Variants in AKAP7 observed in about 807,000 individuals in gnomAD.
AKAP7 encodes A-kinase anchoring protein 7, also known as A kinase (PRKA) anchor protein 7.
Under a neutral mutation model 39.5 loss-of-function variants are expected in AKAP7, and 39 were observed. That is an observed-to-expected ratio of 0.99 (90% CI 0.76 to 1.29). AKAP7 has a LOEUF of 1.29. Among genes scored for constraint, AKAP7 ranks in the 50% most tolerant of loss-of-function variants. The pLI, the probability that AKAP7 is intolerant of heterozygous loss-of-function variation, is 0.00. For missense variants in AKAP7, 414 were observed against 407.7 expected, an observed-to-expected ratio of 1.02 and a Z score of -0.13; for synonymous variants, 140 against 139.1, an observed-to-expected ratio of 1.01 and a Z score of -0.05.
upstream of AKAP7, among the ~76,000 whole-genome samples, chr6:131,130,654 G>T (rs1480708780): frequency 6.6e-6 from 1 of 152,176 alleles, no homozygotes; most frequent in African/African-American, 2.4e-5. Context: ...AATCCACTGT[G>T]GCCAGGTGAA....
intron 6 of AKAP7, among the ~76,000 whole-genome samples, chr6:131,213,714 TAACA>T (rs1808889480): frequency 1.3e-5 from 2 of 152,130 alleles, no homozygotes; most frequent in South Asian, 4.1e-4. Context: ...CATGCAAGTA[TAACA>T]AACAGTTATG....
At chr6:131,155,327 T>G (rs955323212) in intron 2 of AKAP7, among the ~76,000 whole-genome samples, 2 of 152,226 alleles carry the variant, frequency 1.3e-5, no homozygotes, top group Admixed American at 1.3e-4. Flanking sequence ...GATAGTATTT[T>G]GAATTTCCTA....
chr6:131,266,374 A>G (rs976749615), intron 7 of AKAP7, among the ~76,000 whole-genome samples: 4 of 152,214 alleles, frequency 2.6e-5, no homozygotes, highest in Admixed American at 6.5e-5. Flanking sequence ...GAGCTTGAGA[A>G]GCAAATGTCA....
intron 1 of AKAP7, among the ~76,000 whole-genome samples, chr6:131,142,570 G>A (rs1801136014): frequency 6.6e-6 from 1 of 152,256 alleles, no homozygotes; most frequent in Admixed American, 6.5e-5. Flanking sequence ...AAGCCTGGGT[G>A]CTCAGGCAGA....
At chr6:131,222,296 C>G (rs908112043) in intron 7 of AKAP7, among the ~76,000 whole-genome samples, 14 of 152,134 alleles carry the variant, frequency 9.2e-5, no homozygotes, top group Non-Finnish European at 2.1e-4. Flanking sequence ...GAGGCCAAGG[C>G]GGGCGGATCA....
In AKAP7 at chr6:131,159,925, T is replaced by G. The variant is rs994450264; in HGVS notation, c.152-134T>G. Reference sequence around the variant, plus strand: ...TACTATGAGGTCCTTTACAGAAATGTTTGCAAACTCCTGCTTTAGATTTGA... The same window carrying G: ...TACTATGAGGTCCTTTACAGAAATGGTTGCAAACTCCTGCTTTAGATTTGA... On this transcript the variant is annotated intron_variant, in intron 2 of 7. Transcript: ENST00000431975. The G allele has an allele frequency of 4.7e-6, 4 of 852,822 alleles. No homozygotes were observed. In the African/African-American group the frequency reaches 7.0e-5, roughly 15 times the overall value. 52.8% of individuals were successfully genotyped at this position (852,822 alleles called of 1,614,324 possible).
rs971561877 is a variant in AKAP7, at chr6:131,199,459, A to G, written c.590-2A>G. 3.2e-6 allele frequency: 5 copies of G among 1,568,084 alleles called. No homozygotes were observed. In the Admixed American group the frequency reaches 8.7e-5, roughly 27 times the overall value. Reference sequence around the variant, plus strand: ...TTCTTTGTTTCTCTTTATTTTCTTCAGAGACTGCAAATAGGACATTTCAAG... The same window carrying G: ...TTCTTTGTTTCTCTTTATTTTCTTCGGAGACTGCAAATAGGACATTTCAAG... On this transcript the variant is annotated splice_acceptor_variant, in intron 5 of 7. Coordinates refer to ENST00000431975, the MANE Select transcript of AKAP7 (RefSeq NM_016377.4). LOFTEE classifies it high-confidence loss of function.
At position 131,135,520 on chromosome 6, in the gene AKAP7, GC is replaced by G. The variant is rs946450846; in HGVS notation, c.-242del. ...TGCGGGTGCTGCGGCTGCTGCGGCT[GC>G]CGCCGCCGCTGCTGCCGCTGCCGCG... On this transcript the variant is annotated 5_prime_UTR_variant, in exon 1 of 8. Transcript: ENST00000431975. 6.0e-6 allele frequency: 1 copy of G among 166,372 alleles called. No individual in the cohort carries two copies. The highest frequency in any genetic ancestry group is 1.2e-5 in the Non-Finnish European group (1 of 81,282). The allele number at this position is 166,372 out of a possible 1,614,324, so 10.3% of individuals were successfully genotyped here.
At chr6:131,205,673 A>C (rs1261036753) in intron 6 of AKAP7, among the ~76,000 whole-genome samples, 1 of 152,224 alleles carries the variant, frequency 6.6e-6, no homozygotes, top group African/African-American at 2.4e-5. Context: ...ATTCTGTGAA[A>C]CATAAGGCTT....
intron 5 of AKAP7, among the ~76,000 whole-genome samples, chr6:131,190,801 A>G (rs1397910336): frequency 2.0e-5 from 3 of 152,196 alleles, no homozygotes; most frequent in Non-Finnish European, 2.9e-5. Context: ...TCCATTTCTT[A>G]TATCCATCAA....
At chr6:131,154,211 A>G (rs911044354) in intron 2 of AKAP7, among the ~76,000 whole-genome samples, 24 of 150,824 alleles carry the variant, frequency 1.6e-4, no homozygotes, top group Non-Finnish European at 5.9e-5. Context: ...TCTGCCTCAG[A>G]AAAAAAAAAG....
At chr6:131,177,750 A>G (rs1804723910) in intron 5 of AKAP7, among the ~76,000 whole-genome samples, 1 of 152,240 alleles carries the variant, frequency 6.6e-6, no homozygotes, top group Admixed American at 6.5e-5. Context: ...CCAGGACTCA[A>G]ATCCAACCAG....
chr6:131,180,100 T>C (rs968706792), intron 5 of AKAP7, among the ~76,000 whole-genome samples: 1 of 152,176 alleles, frequency 6.6e-6, no homozygotes, highest in African/African-American at 2.4e-5. Context: ...AACTATAACC[T>C]TCTACCCCTC....
At position 131,271,126 on chromosome 6, in the gene AKAP7, A is replaced by T. The variant is rs370796644; in HGVS notation, c.851-10404A>T. Among the ~76,000 whole-genome samples, 15 of 152,216 alleles carry T rather than the reference A, an allele frequency of 9.9e-5. No homozygotes were observed. In the South Asian group the frequency reaches 3.1e-3, roughly 32 times the overall value. On this transcript the variant is annotated intron_variant, in intron 7 of 7. Transcript: ENST00000431975. ...GTTTGTGCTTTTGTTGTCCTATTTA[A>T]TAAATCTTTCCCAAATCTAAGGTCA...
intron 7 of AKAP7, among the ~76,000 whole-genome samples, chr6:131,259,379 A>G (rs1373014073): frequency 1.3e-5 from 2 of 152,150 alleles, no homozygotes. Context: ...CCTGGAAACC[A>G]CATCACAAGA....
chr6:131,143,907 G>GGCCTTCCC (rs1801264752), intron 1 of AKAP7, among the ~76,000 whole-genome samples: 1 of 139,518 alleles, frequency 7.2e-6, no homozygotes, highest in Non-Finnish European at 1.5e-5. Flanking sequence ...AGGACCCTGC[G>GGCCTTCCC]GCCTTCCGAA....
intron 5 of AKAP7, among the ~76,000 whole-genome samples, chr6:131,169,895 G>T (rs1268719876): frequency 2.0e-5 from 3 of 151,784 alleles, no homozygotes; most frequent in Non-Finnish European, 4.4e-5. Flanking sequence ...TAACACACTT[G>T]CATTATTGGT....
intron 5 of AKAP7, among the ~76,000 whole-genome samples, chr6:131,183,110 T>C (rs914444117): frequency 6.6e-6 from 1 of 152,114 alleles, no homozygotes; most frequent in East Asian, 1.9e-4. Context: ...TAAAAACGTT[T>C]ATGTTTACTG....
At chr6:131,134,276 A>G (rs1800396491), upstream of AKAP7, among the ~76,000 whole-genome samples, 1 of 152,152 alleles carries the variant, frequency 6.6e-6, no homozygotes, top group African/African-American at 2.4e-5. Context: ...CCGGCCTGGT[A>G]AAGCTTTAAA....
Sources: allele counts gnomAD v4.1 joint callset (sites outside exome capture counted in the v4.1 genomes callset), GRCh38; gene constraint gnomAD v4.1.1; transcripts MANE v1.5; gene names NCBI Gene and HGNC (gene_info 2026-07-23, HGNC 2026-07-21).